Variants in FRMD6 observed in about 807,000 individuals in gnomAD.
The protein encoded by FRMD6 is FERM domain containing 6.
A neutral mutation model predicts 73.2 loss-of-function variants in FRMD6; 37 were observed. The observed-to-expected ratio is 0.51, with a 90% CI of 0.39 to 0.66. FRMD6 has a LOEUF of 0.66. FRMD6 is among the 30% of genes least tolerant of loss of function. The pLI is 0.00. For missense variants in FRMD6, 714 were observed against 780.5 expected, an observed-to-expected ratio of 0.91 and a Z score of 1.02; for synonymous variants, 273 against 282.2, an observed-to-expected ratio of 0.97 and a Z score of 0.33.
intron 2 of FRMD6, among the ~76,000 whole-genome samples, chr14:51,589,466 A>G (rs1339352859): frequency 2.0e-5 from 3 of 151,978 alleles, no homozygotes; most frequent in African/African-American, 4.8e-5. Flanking sequence ...ATCAAAGCAG[A>G]TCTGCTTGGG....
rs200154158 is a variant in FRMD6 at position 51,708,147 on chromosome 14, C to T, written c.628C>T (p.Leu210=). 6.2e-7 allele frequency: 1 copy of T among 1,613,338 alleles called. No individual in the cohort carries two copies. Among genetic ancestry groups the T allele is most frequent in the Admixed American group, 1.7e-5 (1 of 59,946 alleles). ...IPNMHKDQFA[L]TASEAHLKYI... is the part of the protein sequence containing the mutation. ...AAACATGCACAAAGATCAGTTTGCA[C>T]TAACAGCTTCCGAAGCTCATCTTAA... The change falls in exon 7 of 14, where the codon CTA becomes TTA. Residue 210 remains leucine (L), a synonymous_variant. Transcript: ENST00000344768.
chr14:51,428,911 A>G, the FRMD6 span, among the ~76,000 whole-genome samples: 2 of 133,020 alleles, frequency 1.5e-5, no homozygotes, highest in South Asian at 5.5e-4. Flanking sequence ...CTGAGGCTAC[A>G]TGGAGAGAGA....
chr14:51,509,299 G>A (rs1235673773), intron 1 of FRMD6, among the ~76,000 whole-genome samples: 4 of 152,094 alleles, frequency 2.6e-5, no homozygotes, highest in Admixed American at 1.3e-4. Context: ...CGAGGCTGGC[G>A]GATCACGAGG....
intron 1 of FRMD6, among the ~76,000 whole-genome samples, chr14:51,502,946 C>A (rs553720365): frequency 6.6e-6 from 1 of 152,184 alleles, no homozygotes; most frequent in African/African-American, 2.4e-5. Context: ...GTATTTTATT[C>A]TCTTTGTAGC....
upstream of FRMD6, chr14:51,651,174 T>C (rs3751464): frequency 0.76 from 115,321 of 152,348 alleles, 44,003 homozygotes; most frequent in Non-Finnish European, 0.8. Flanking sequence ...TGAGGGGCCA[T>C]GGGCACTAAA....
At chr14:51,438,506 G>A in the FRMD6 span, among the ~76,000 whole-genome samples, 6 of 152,266 alleles carry the variant, frequency 3.9e-5, no homozygotes, top group African/African-American at 1.4e-4. Context: ...AGTTTGACTT[G>A]TATAACATCA....
At chr14:51,533,637 G>A (rs1245930760) in intron 1 of FRMD6, among the ~76,000 whole-genome samples, 2 of 152,086 alleles carry the variant, frequency 1.3e-5, no homozygotes, top group African/African-American at 2.4e-5. Context: ...AGCTACTAAT[G>A]CCATCCTTTA....
intron 2 of FRMD6, among the ~76,000 whole-genome samples, chr14:51,610,586 G>T (rs545338361): frequency 6.6e-6 from 1 of 152,258 alleles, no homozygotes; most frequent in African/African-American, 2.4e-5. Flanking sequence ...AAAGGTTGAA[G>T]AATTTTAAAA....
chr14:51,457,668 G>A, the FRMD6 span, among the ~76,000 whole-genome samples: 4 of 152,148 alleles, frequency 2.6e-5, no homozygotes, highest in African/African-American at 9.7e-5. Context: ...AACTGAGCAG[G>A]TCACATGGTA....
intron 1 of FRMD6, among the ~76,000 whole-genome samples, chr14:51,515,590 T>A (rs956608250): frequency 6.6e-6 from 1 of 152,206 alleles, no homozygotes; most frequent in Non-Finnish European, 1.5e-5. Context: ...CCACCTGTCT[T>A]GCCCCTTGAT....
At chr14:51,512,014 G>A (rs1242290721) in intron 1 of FRMD6, among the ~76,000 whole-genome samples, 1 of 152,132 alleles carries the variant, frequency 6.6e-6, no homozygotes, top group Non-Finnish European at 1.5e-5. Flanking sequence ...ACTTCATGAT[G>A]TATGTATGCA....
chr14:51,604,720 A>G (rs1890177403), intron 2 of FRMD6, among the ~76,000 whole-genome samples: 1 of 152,078 alleles, frequency 6.6e-6, no homozygotes, highest in South Asian at 2.1e-4. Flanking sequence ...AGTGTGCCAT[A>G]TTCTTTTCAT....
intron 1 of FRMD6, among the ~76,000 whole-genome samples, chr14:51,519,027 T>G (rs1021927787): frequency 3.3e-5 from 5 of 152,206 alleles, no homozygotes; most frequent in African/African-American, 1.2e-4. Context: ...CAAGATAGTC[T>G]TGTCCTCAAG....
chr14:51,580,557 A>AATCT lies in FRMD6; in HGVS notation c.-147+10147_-147+10148insATCT, dbSNP rs1888664888. Among the ~76,000 whole-genome samples the AATCT allele has an allele frequency of 2.6e-5, 4 of 152,214 alleles. No individual in the cohort carries two copies. In the South Asian group the frequency reaches 8.3e-4, roughly 31 times the overall value. Reference sequence around the variant, plus strand: ...GTGATGGAGCCAGAATTTGAACCCAAGAACTGCAACATCAGAATCCTACCC... The same window carrying AATCT: ...GTGATGGAGCCAGAATTTGAACCCAAATCTGAACTGCAACATCAGAATCCTACCC... On this transcript the variant is annotated intron_variant, in intron 2 of 14. Transcript: ENST00000356218.
At chr14:51,686,570 A>T (rs942164188) in intron 1 of FRMD6, among the ~76,000 whole-genome samples, 7 of 152,144 alleles carry the variant, frequency 4.6e-5, no homozygotes, top group African/African-American at 1.7e-4. Context: ...GGATATTAAT[A>T]AATAAAGAGG....
At chr14:51,693,581 A>G (rs559319432) in intron 2 of FRMD6, among the ~76,000 whole-genome samples, 1 of 150,654 alleles carries the variant, frequency 6.6e-6, no homozygotes, top group East Asian at 2.0e-4. Context: ...CATTGCAAGG[A>G]TTTAAAGATG....
the FRMD6 span, among the ~76,000 whole-genome samples, chr14:51,413,428 T>G: frequency 3.3e-5 from 5 of 152,194 alleles, no homozygotes; most frequent in Non-Finnish European, 1.5e-5. Context: ...TCTGTCCTTG[T>G]GATAGTTTGC....
the FRMD6 span, among the ~76,000 whole-genome samples, chr14:51,447,149 G>A: frequency 2.0e-5 from 3 of 152,338 alleles, no homozygotes; most frequent in South Asian, 4.1e-4. Context: ...ATGGCATGGA[G>A]TAGAAAAGCG....
At chr14:51,613,131 A>G (rs754854219) in intron 2 of FRMD6, among the ~76,000 whole-genome samples, 18 of 152,186 alleles carry the variant, frequency 1.2e-4, no homozygotes, top group Non-Finnish European at 2.5e-4. Flanking sequence ...TTCTAATTTA[A>G]TCTTTGAACC....
Sources: allele counts gnomAD v4.1 joint callset (sites outside exome capture counted in the v4.1 genomes callset), GRCh38; gene constraint gnomAD v4.1.1; transcripts MANE v1.5; gene names NCBI Gene and HGNC (gene_info 2026-07-23, HGNC 2026-07-21).